Variants in PRRG1 observed in about 807,000 individuals in gnomAD.
The protein encoded by PRRG1 is transmembrane gamma-carboxyglutamic acid protein 1.
Under a neutral mutation model 11.8 loss-of-function variants are expected in PRRG1, and 5 were observed. The ratio of observed to expected loss-of-function variants is 0.42; its 90% CI spans 0.22 to 0.89. PRRG1 has a LOEUF of 0.89. Ranked by LOEUF, PRRG1 falls within the 40% of genes least tolerant of loss-of-function variation. PRRG1 has a pLI of 0.28. For synonymous variants in PRRG1, 66 were observed against 60.4 expected, an observed-to-expected ratio of 1.09 and a Z score of -0.43; for missense variants, 155 against 166.1, an observed-to-expected ratio of 0.93 and a Z score of 0.37.
chrX:37,354,723 C>T (rs1930186381), intron 1 of PRRG1, among the ~76,000 whole-genome samples: 1 of 110,933 alleles, frequency 9.0e-6, no homozygotes, highest in South Asian at 3.9e-4. Flanking sequence ...TTAGAGTGTC[C>T]TCTAAAATGT....
At chrX:37,415,093 A>T (rs4311786) in intron 2 of PRRG1, among the ~76,000 whole-genome samples, 1 of 112,124 alleles carries the variant, frequency 8.9e-6, no homozygotes, top group African/African-American at 3.3e-5. Context: ...TCTAGATCGT[A>T]TATGTATAAA....
chrX:37,397,768 G>A (rs1318429138), intron 1 of PRRG1, among the ~76,000 whole-genome samples: 1 of 110,889 alleles, frequency 9.0e-6, no homozygotes, highest in Admixed American at 9.6e-5. Flanking sequence ...AAGGAAGGTG[G>A]AACCTGCTTG....
At chrX:37,372,806 A>T (rs944039834) in intron 1 of PRRG1, among the ~76,000 whole-genome samples, 1 of 112,412 alleles carries the variant, frequency 8.9e-6, no homozygotes, top group African/African-American at 3.2e-5. Context: ...GATGAAATCT[A>T]ATTTGTCTAT....
At chrX:37,396,268 C>A (rs782804427) in intron 1 of PRRG1, among the ~76,000 whole-genome samples, 1 of 112,243 alleles carries the variant, frequency 8.9e-6, no homozygotes, top group South Asian at 3.7e-4. Context: ...AATATGACTT[C>A]CATATACAAG....
intron 3 of PRRG1, among the ~76,000 whole-genome samples, chrX:37,452,848 C>T (rs782812413): frequency 6.4e-4 from 72 of 112,268 alleles, no homozygotes; most frequent in African/African-American, 2.2e-3. Context: ...ACCCTCATTA[C>T]TTATTTTTCC....
chrX:37,366,032 G>A (rs192760923), intron 1 of PRRG1, among the ~76,000 whole-genome samples: 4 of 112,327 alleles, frequency 3.6e-5, no homozygotes, highest in Admixed American at 9.4e-5. Context: ...AGTCTCAGCC[G>A]AGACTGCAAA....
At chrX:37,388,781 C>T (rs1931420864) in intron 1 of PRRG1, among the ~76,000 whole-genome samples, 1 of 112,915 alleles carries the variant, frequency 8.9e-6, no homozygotes, top group Non-Finnish European at 1.9e-5. Flanking sequence ...TGGTTTCTTT[C>T]CACTTCTGCA....
intron 3 of PRRG1, among the ~76,000 whole-genome samples, chrX:37,452,587 G>A (rs1556396849): frequency 8.9e-6 from 1 of 111,854 alleles, no homozygotes; most frequent in African/African-American, 3.2e-5. Context: ...CAACATCTGT[G>A]TACTAAACTT....
At chrX:37,391,991 T>A (rs1490256611) in intron 1 of PRRG1, among the ~76,000 whole-genome samples, 1 of 111,218 alleles carries the variant, frequency 9.0e-6, no homozygotes, top group Non-Finnish European at 1.9e-5. Flanking sequence ...CCTTGTTTTT[T>A]TTTTTTGACT....
chrX:37,433,733 A>T (rs1181576006), intron 3 of PRRG1, among the ~76,000 whole-genome samples: 1 of 112,307 alleles, frequency 8.9e-6, no homozygotes, highest in Non-Finnish European at 1.9e-5. Flanking sequence ...GAAGGAATGG[A>T]TTGGCAAATC....
chrX:37,369,702 A>G (rs1186445767), intron 1 of PRRG1, among the ~76,000 whole-genome samples: 2 of 111,443 alleles, frequency 1.8e-5, no homozygotes, highest in African/African-American at 6.5e-5. Context: ...CTTGAATTGT[A>G]GCTCCCATAA....
intron 3 of PRRG1, among the ~76,000 whole-genome samples, chrX:37,434,719 A>G (rs1034175636): frequency 8.9e-6 from 1 of 111,936 alleles, no homozygotes; most frequent in African/African-American, 3.2e-5. Context: ...AAAACTTTCA[A>G]TAAATATAAT....
intron 1 of PRRG1, among the ~76,000 whole-genome samples, chrX:37,391,624 G>A (rs1931537409): frequency 9.0e-6 from 1 of 111,718 alleles, no homozygotes; most frequent in African/African-American, 3.3e-5. Flanking sequence ...TAGAACTGAA[G>A]GGGTGGGTCA....
chrX:37,420,543 G>A (rs1932624102), intron 2 of PRRG1, among the ~76,000 whole-genome samples: 2 of 108,651 alleles, frequency 1.8e-5, no homozygotes, highest in Admixed American at 2.0e-4. Flanking sequence ...CAAAAATAGG[G>A]CACCTATGGC....
intron 1 of PRRG1, among the ~76,000 whole-genome samples, chrX:37,352,855 G>C (rs1272191296): frequency 8.9e-6 from 1 of 111,803 alleles, no homozygotes; most frequent in East Asian, 2.8e-4. Context: ...ATGTGTGATG[G>C]TGGTTCCCAT....
At chrX:37,393,071 A>G (rs1386568647) in intron 1 of PRRG1, among the ~76,000 whole-genome samples, 4 of 111,331 alleles carry the variant, frequency 3.6e-5, no homozygotes, top group Non-Finnish European at 7.5e-5. Context: ...TGATTGGACA[A>G]CAGAAACAAA....
chrX:37,433,597 C>T (rs1265552494), intron 3 of PRRG1, among the ~76,000 whole-genome samples: 3 of 110,443 alleles, frequency 2.7e-5, no homozygotes, highest in Admixed American at 1.9e-4. Flanking sequence ...ACCTCCCCCG[C>T]CCCATCAGGA....
At position 37,398,967 on chromosome X, in the gene PRRG1, A is replaced by T. The variant is rs782525705; in HGVS notation, c.-41-7242A>T. On this transcript the variant is annotated intron_variant, in intron 1 of 3. Coordinates refer to ENST00000378628, the MANE Select transcript of PRRG1 (RefSeq NM_001142395.2). The stretch of plus-strand genomic sequence containing the variant: ...AAAGAAACGAACAAAGCCTCCAAGA[A>T]ATATGGGACTATGTGAAAAGACCAA... 3.6e-5 allele frequency among the ~76,000 whole-genome samples: 4 copies of T among 111,864 alleles called. No homozygotes were observed. In the South Asian group the frequency reaches 1.5e-3, roughly 42 times the overall value.
intron 1 of PRRG1, among the ~76,000 whole-genome samples, chrX:37,379,640 A>G (rs1448049325): frequency 8.9e-6 from 1 of 111,915 alleles, no homozygotes; most frequent in East Asian, 2.8e-4. Context: ...ATATCATACA[A>G]TAATCTGTAT....
Sources: allele counts gnomAD v4.1 joint callset (sites outside exome capture counted in the v4.1 genomes callset), GRCh38; gene constraint gnomAD v4.1.1; transcripts MANE v1.5; gene names NCBI Gene and HGNC (gene_info 2026-07-23, HGNC 2026-07-21).